Variants in CASS4 observed in about 807,000 individuals in gnomAD.
CASS4 encodes cas scaffolding protein family member 4.
CASS4 carries 22 observed loss-of-function variants against 54.2 expected under a neutral mutation model. The ratio of observed to expected loss-of-function variants is 0.41; its 90% CI spans 0.29 to 0.58. The LOEUF is 0.58. Ranked by LOEUF, CASS4 falls within the 20% of genes least tolerant of loss-of-function variation. The pLI is 0.36. For missense variants in CASS4, 854 were observed against 986.7 expected, an observed-to-expected ratio of 0.87 and a Z score of 1.80; for synonymous variants, 409 against 391.5, an observed-to-expected ratio of 1.04 and a Z score of -0.53.
chr20:56,424,515 T>C (rs1303244472), intron 1 of CASS4, among the ~76,000 whole-genome samples: 4 of 151,410 alleles, frequency 2.6e-5, no homozygotes, highest in Non-Finnish European at 5.9e-5. Flanking sequence ...TCAAGGCGGG[T>C]GGATCATCTG....
At chr20:56,427,170 T>G (rs2146270691) in intron 1 of CASS4, among the ~76,000 whole-genome samples, 1 of 126,950 alleles carries the variant, frequency 7.9e-6, no homozygotes, top group East Asian at 2.1e-4. Flanking sequence ...AGACCCTGTC[T>G]CTTAAAAAAA....
chr20:56,418,724 G>GA (rs572789427), intron 1 of CASS4, among the ~76,000 whole-genome samples: 186 of 152,258 alleles, frequency 1.2e-3, no homozygotes, highest in African/African-American at 4.2e-3. Context: ...GTTGTGAGCA[G>GA]AAAAAATAGT....
At chr20:56,418,310 C>A (rs531568277) in intron 1 of CASS4, among the ~76,000 whole-genome samples, 1 of 152,096 alleles carries the variant, frequency 6.6e-6, no homozygotes, top group Non-Finnish European at 1.5e-5. Context: ...TAGTACAGGG[C>A]CCCTGTAAAG....
intron 2 of CASS4, among the ~76,000 whole-genome samples, chr20:56,438,295 A>T (rs922429600): frequency 2.0e-5 from 3 of 152,192 alleles, no homozygotes; most frequent in Admixed American, 6.5e-5. Flanking sequence ...TTTCAAAAAA[A>T]AAAAAAAGTA....
chr20:56,436,362 A>G (rs2870737), intron 1 of CASS4, among the ~76,000 whole-genome samples: 3,277 of 99,426 alleles, frequency 0.033, 111 homozygotes, highest in African/African-American at 0.13. Context: ...GTGTGTGTGT[A>G]TATATATATA....
intron 1 of CASS4, among the ~76,000 whole-genome samples, chr20:56,424,740 CAAA>C (rs759106984): frequency 6.9e-5 from 5 of 72,068 alleles, no homozygotes; most frequent in African/African-American, 2.4e-4. Flanking sequence ...GACTCTGTCT[CAAA>C]AAAAAAAAAA....
chr20:56,429,214 C>G (rs1290169360), intron 1 of CASS4, among the ~76,000 whole-genome samples: 1 of 152,202 alleles, frequency 6.6e-6, no homozygotes, highest in African/African-American at 2.4e-5. Context: ...CTTATACCAC[C>G]ATGGATGATG....
chr20:56,452,248 A>G lies in CASS4; in HGVS notation c.1072A>G (p.Ser358Gly), dbSNP rs756187603. 2 of 1,614,026 alleles carry G rather than the reference A, an allele frequency of 1.2e-6. No homozygotes were observed. The highest frequency in any genetic ancestry group is 1.7e-5 in the Admixed American group (1 of 60,020). ...NIYDIPKATSSVSQAGKELEK... is the reference protein window; with the variant it reads ...NIYDIPKATSGVSQAGKELEK... ...TTATGACATCCCTAAAGCAACGTCG[A>G]GTGTTTCTCAGGCTGGGAAGGAGCT... is the stretch of plus-strand genomic sequence containing the variant. Residue 358 changes from serine to glycine, a missense_variant, in exon 5 of 6, where the codon AGT becomes GGT. Transcript: ENST00000679887.
intron 3 of CASS4, 103 bp from the exon 4 acceptor site, chr20:56,450,496 T>C: frequency 1.9e-6 from 2 of 1,058,330 alleles, no homozygotes; most frequent in South Asian, 2.8e-5. Flanking sequence ...TTCAGGAATT[T>C]GTGTCTTCCT....
chr20:56,444,152 C>T (rs1980597597), intron 2 of CASS4, among the ~76,000 whole-genome samples: 1 of 152,114 alleles, frequency 6.6e-6, no homozygotes. Context: ...CCATCCAAGC[C>T]GTACACATCC....
rs1980254612 is a variant in CASS4 at position 56,437,595 on chromosome 20, A to G, written c.459+9A>G. The G allele has an allele frequency of 1.3e-6, 2 of 1,521,166 alleles. No individual in the cohort carries two copies. The highest frequency in any genetic ancestry group is 1.4e-5 in the African/African-American group (1 of 71,990). The allele number at this position is 1,521,166 out of a possible 1,614,324, so 94.2% of individuals were successfully genotyped here. A position where few individuals can be genotyped will look rare whatever the true frequency, so the allele number is the denominator to read the frequency against. On this transcript the variant is annotated intron_variant, in intron 2 of 5. Transcript: ENST00000679887. The surrounding 1 kb of genome is among the most constrained non-coding windows in gnomAD (Gnocchi z 4.7). ...TCAGCTTTCCAAAACAGGTACGCAT[A>G]CTTCCACCTACTAGACATGGGTTGA...
Position 56,452,349 on chromosome 20 carries a change from A to T in CASS4, c.1173A>T (p.Pro391=), listed in dbSNP as rs761910658. 2 of 1,613,980 alleles carry T rather than the reference A, an allele frequency of 1.2e-6. No homozygotes were observed. Among genetic ancestry groups the T allele is most frequent in the African/African-American group, 1.3e-5 (1 of 75,056 alleles). The part of the protein sequence containing the change: ...SSWFSRRTTS[P]SPEPDRLSGS... ...GGTTCTCCAGACGGACAACTTCCCCATCTCCTGAACCGGACAGATTATCAG... is the reference window on the plus strand; with the variant it reads ...GGTTCTCCAGACGGACAACTTCCCCTTCTCCTGAACCGGACAGATTATCAG... The change falls in exon 5 of 6, where the codon CCA becomes CCT. Residue 391 remains proline, a synonymous_variant. Transcript: ENST00000679887.
chr20:56,442,097 G>A (rs1376459305), intron 2 of CASS4, among the ~76,000 whole-genome samples: 2 of 151,926 alleles, frequency 1.3e-5, no homozygotes, highest in Admixed American at 1.3e-4. Flanking sequence ...CAAATTCACA[G>A]GCTTGGAACA....
At chr20:56,424,874 A>T (rs1979567922) in intron 1 of CASS4, among the ~76,000 whole-genome samples, 1 of 152,080 alleles carries the variant, frequency 6.6e-6, no homozygotes, top group Admixed American at 6.6e-5. Context: ...AGAGAAATGA[A>T]TGTTAGATGA....
At chr20:56,427,187 A>C (rs1266807727) in intron 1 of CASS4, among the ~76,000 whole-genome samples, 2 of 151,814 alleles carry the variant, frequency 1.3e-5, no homozygotes, top group East Asian at 1.9e-4. Context: ...AAAAAAAAAA[A>C]AAAAACCCTC....
rs767046526 is a variant in CASS4, at chr20:56,458,537, G to T, written c.2151G>T (p.Val717=). ...KLVIMVGQKL[V]DTLCMETQER... is the part of the protein sequence containing the mutation. ...TCATCATGGTGGGACAGAAGCTGGT[G>T]GACACGCTGTGCATGGAGACCCAGG... The change falls in exon 6 of 6, where the codon GTG becomes GTT. Residue 717 remains valine (V), a synonymous_variant. Transcript: ENST00000679887. The T allele has an allele frequency of 6.2e-7, 1 of 1,614,178 alleles. No homozygotes were observed. Among genetic ancestry groups the T allele is most frequent in the Admixed American group, 1.7e-5 (1 of 60,020 alleles).
Position 56,443,469 on chromosome 20 carries a change from C to CAA in CASS4, c.460-2421_460-2420dup, listed in dbSNP as rs11467181. 1.0e-4 allele frequency among the ~76,000 whole-genome samples: 12 copies of CAA among 115,218 alleles called. 2 individuals carry two copies. The highest frequency in any genetic ancestry group is 8.3e-4 in the Admixed American group (9 of 10,784). The allele number at this position is 115,218 out of a possible 152,430, so 75.6% of individuals were successfully genotyped here. ...GGGTGACAGAGCGAGACTCCGTCTC[C>CAA]AAAAAAAAAAAGAAGCTTGGATTTC... On this transcript the variant is annotated intron_variant, in intron 2 of 5. Transcript: ENST00000679887.
Position 56,458,384 on chromosome 20 carries a change from T to C in CASS4, c.1998T>C (p.Pro666=). The change falls in exon 6 of 6, where the codon CCT becomes CCC. Residue 666 remains proline, a synonymous_variant. Transcript: ENST00000679887. ...LIPQPSSQQT[P]ERKPRLSEHC... Reference sequence around the variant, plus strand: ...CTCAGCCTTCGAGTCAACAGACTCCTGAGAGGAAACCCCGCTTATCTGAAC... The same window carrying C: ...CTCAGCCTTCGAGTCAACAGACTCCCGAGAGGAAACCCCGCTTATCTGAAC... The C allele has an allele frequency of 6.2e-7, 1 of 1,614,088 alleles. No individual in the cohort carries two copies. Among genetic ancestry groups the C allele is most frequent in the Non-Finnish European group, 8.5e-7 (1 of 1,179,982 alleles).
rs1326850494 is a variant in CASS4, at chr20:56,452,024, C to T, written c.848C>T (p.Pro283Leu). 1 of 1,614,078 alleles carries T rather than the reference C, an allele frequency of 6.2e-7. No individual in the cohort carries two copies. The highest frequency in any genetic ancestry group is 8.5e-7 in the Non-Finnish European group (1 of 1,180,042). Residue 283 changes from proline (P) to leucine (L), a missense_variant, in exon 5 of 6, where the codon CCA (proline) becomes CTA (leucine). Coordinates refer to ENST00000679887, the MANE Select transcript of CASS4 (RefSeq NM_020356.4). ...TCCAGCTCCACTTTCTACAATCCTC[C>T]AAGTGGCAGATCCAGGTCCCTCACT... is the stretch of plus-strand genomic sequence containing the variant. The part of the protein sequence containing the change: ...PSSSSTFYNP[P>L]SGRSRSLTPQ...
Sources: gnomAD v4.1 joint callset for allele counts (sites outside exome capture counted in the v4.1 genomes callset) on GRCh38, gnomAD v4.1.1 for gene constraint, Gnocchi (gnomAD v3.1) non-coding constraint, MANE v1.5 for transcripts, NCBI Gene and HGNC (gene_info 2026-07-23, HGNC 2026-07-21) for gene names.